AMBRA1: variants seen among roughly 807,000 people sequenced by gnomAD.
The protein encoded by AMBRA1 is autophagy and beclin 1 regulator 1, also known as activating molecule in BECN1-regulated autophagy protein 1.
Under a neutral mutation model 125.4 loss-of-function variants are expected in AMBRA1, and 47 were observed. The ratio of observed to expected loss-of-function variants is 0.37; its 90% CI spans 0.30 to 0.48. AMBRA1 has a LOEUF of 0.48. AMBRA1 is among the 20% of genes least tolerant of loss of function. The pLI is 0.99. For synonymous variants in AMBRA1, 626 were observed against 655.5 expected, an observed-to-expected ratio of 0.95 and a Z score of 0.69; for missense variants, 1,331 against 1,693.4, an observed-to-expected ratio of 0.79 and a Z score of 3.76.
chr11:46,562,666 G>A lies in AMBRA1; in HGVS notation c.-120-14166C>T, dbSNP rs116389159. ...TGTTATGTTTGCGGGTGGGGGAGCA[G>A]ATTAAAGGGATAAATCAATAGTTTA... On this transcript the variant is annotated intron_variant, in intron 1 of 17. Transcript: ENST00000683756. Among the ~76,000 whole-genome samples, 1,399 of 152,194 alleles carry A rather than the reference G, an allele frequency of 9.2e-3. 12 individuals are homozygous for A. The highest frequency in any genetic ancestry group is 0.033 in the African/African-American group (1,351 of 41,502).
At chr11:46,450,824 A>G (rs1392696179) in intron 11 of AMBRA1, among the ~76,000 whole-genome samples, 3 of 152,244 alleles carry the variant, frequency 2.0e-5, no homozygotes, top group Non-Finnish European at 4.4e-5. Context: ...TGCCAAAACC[A>G]GTGAAATTTA....
chr11:46,481,923 G>A (rs1950087686), intron 11 of AMBRA1, among the ~76,000 whole-genome samples: 1 of 152,220 alleles, frequency 6.6e-6, no homozygotes, highest in African/African-American at 2.4e-5. Flanking sequence ...GCTTGGAACA[G>A]TACTTGGTAT....
intron 7 of AMBRA1, among the ~76,000 whole-genome samples, chr11:46,521,721 G>A (rs914078266): frequency 8.5e-5 from 13 of 152,180 alleles, no homozygotes; most frequent in African/African-American, 3.1e-4. Context: ...TCTGATCGCT[G>A]CAGGGCCCCC....
rs888631451 is a variant in AMBRA1 at position 46,542,721 on chromosome 11, C to T, written c.1296G>A (p.Ala432=). 2.5e-6 allele frequency: 4 copies of T among 1,614,050 alleles called. No individual in the cohort carries two copies. The highest frequency in any genetic ancestry group is 1.1e-5 in the South Asian group (1 of 91,076). The change falls in exon 7 of 18, where the codon GCG becomes GCA. Residue 432 remains alanine (A), a synonymous_variant. Coordinates refer to ENST00000683756, the MANE Select transcript of AMBRA1 (RefSeq NM_001387011.1). The surrounding 1 kb of genome is among the most constrained non-coding windows in gnomAD (Gnocchi z 5.9). ...TGGTTCTGGGCGGGGGCATGGATTC[C>T]GCCTCAGAGCGGGAGTTCAGACTGA... is the stretch of plus-strand genomic sequence containing the variant. ...TVLSLNSRSE[A]ESMPPPRTSA...
intron 11 of AMBRA1, among the ~76,000 whole-genome samples, chr11:46,479,909 G>C (rs1949989235): frequency 1.3e-5 from 2 of 152,098 alleles, no homozygotes; most frequent in Admixed American, 6.6e-5. Flanking sequence ...AGTTCTATAG[G>C]CCTGAAGTCA....
At chr11:46,570,562 A>G (rs1304347393) in intron 1 of AMBRA1, among the ~76,000 whole-genome samples, 1 of 152,056 alleles carries the variant, frequency 6.6e-6, no homozygotes, top group Non-Finnish European at 1.5e-5. Flanking sequence ...CCCCATCTCT[A>G]AAGTCTCCTC....
At chr11:46,397,987 C>T in intron 17 of AMBRA1, 44 bp from the exon 18 acceptor site, 1 of 1,539,224 alleles carries the variant, frequency 6.5e-7, no homozygotes, top group Non-Finnish European at 8.7e-7. Context: ...GGCTGCTGGC[C>T]TGGGCCTCTG....
intron 1 of AMBRA1, among the ~76,000 whole-genome samples, chr11:46,570,874 T>G (rs1462740386): frequency 2.0e-5 from 3 of 152,068 alleles, no homozygotes; most frequent in Non-Finnish European, 4.4e-5. Context: ...GACTACACGA[T>G]GCAGCAAGCC....
At chr11:46,420,058 G>A (rs963903275) in intron 14 of AMBRA1, among the ~76,000 whole-genome samples, 1 of 122,186 alleles carries the variant, frequency 8.2e-6, no homozygotes, top group Non-Finnish European at 1.8e-5. Context: ...ATGTGCCCAG[G>A]TAGCTAAATG....
chr11:46,406,449 G>A (rs972951204), intron 17 of AMBRA1, among the ~76,000 whole-genome samples: 2 of 151,396 alleles, frequency 1.3e-5, no homozygotes, highest in African/African-American at 4.9e-5. Flanking sequence ...GGCCAAGGTG[G>A]GAGGATCACT....
rs1946141365 is a variant in AMBRA1 at position 46,408,673 on chromosome 11, G to A, written c.3243C>T (p.Asp1081=). Residue 1081 remains aspartate, a synonymous_variant, in exon 17 of 18, where the codon GAC becomes GAT. Transcript: ENST00000683756. ...GCCCAATGGCATTCATCAGCCCCATGTCTCTGTCTGTCCTCCATGTGGCTC... is the reference window on the plus strand; with the variant it reads ...GCCCAATGGCATTCATCAGCCCCATATCTCTGTCTGTCCTCCATGTGGCTC... The part of the protein sequence containing the change: ...TSRATWRTDR[D]MGLMNAIGLQ... The A allele has an allele frequency of 6.3e-7, 1 of 1,576,162 alleles. No individual in the cohort carries two copies. The highest frequency in any genetic ancestry group is 1.4e-5 in the African/African-American group (1 of 73,840).
rs563699539 is a variant in AMBRA1, at chr11:46,485,460, T to A, written c.2521+8148A>T. On this transcript the variant is annotated intron_variant, in intron 11 of 17. Transcript: ENST00000683756. ...AGGCTTACACCCCACCTCCCTTAGC[T>A]AATCTATCAAGACTGGTAGTTAAAG... Among the ~76,000 whole-genome samples the A allele has an allele frequency of 5.9e-5, 9 of 152,354 alleles. 1 individual carries two copies. Among genetic ancestry groups the A allele is most frequent in the African/African-American group, 2.2e-4 (9 of 41,578 alleles).
Position 46,542,774 on chromosome 11 carries a change from T to G in AMBRA1, c.1243A>C (p.Thr415Pro). The G allele has an allele frequency of 6.2e-7, 1 of 1,613,874 alleles. No individual in the cohort carries two copies. Among genetic ancestry groups the G allele is most frequent in the Non-Finnish European group, 8.5e-7 (1 of 1,179,968 alleles). ...ACTGTCCGGGTCCACTCAGATCCTGTCAACCCAGGAGCTATTTCTCGGTGA... is the reference window on the plus strand; with the variant it reads ...ACTGTCCGGGTCCACTCAGATCCTGGCAACCCAGGAGCTATTTCTCGGTGA... ...RYHREIAPGL[T>P]GSEWTRTVLS... The change falls in exon 7 of 18, where the codon ACA (threonine) becomes CCA (proline). Residue 415 changes from threonine (T) to proline (P), a missense_variant. Coordinates refer to ENST00000683756, the MANE Select transcript of AMBRA1 (RefSeq NM_001387011.1). The surrounding 1 kb of genome is among the most constrained non-coding windows in gnomAD (Gnocchi z 5.9).
chr11:46,525,144 T>C (rs1250656930), intron 7 of AMBRA1, among the ~76,000 whole-genome samples: 1 of 151,470 alleles, frequency 6.6e-6, no homozygotes, highest in Non-Finnish European at 1.5e-5. Flanking sequence ...CTACAAGAAA[T>C]TTAAAAATTA....
chr11:46,507,267 CAGG>C (rs1015773261), intron 9 of AMBRA1, among the ~76,000 whole-genome samples: 6 of 150,450 alleles, frequency 4.0e-5, no homozygotes, highest in Admixed American at 3.3e-4. Flanking sequence ...ATCACGAGGT[CAGG>C]AGATCAAGAC....
intron 12 of AMBRA1, among the ~76,000 whole-genome samples, chr11:46,439,285 A>G (rs953381919): frequency 6.6e-6 from 1 of 152,220 alleles, no homozygotes; most frequent in African/African-American, 2.4e-5. Flanking sequence ...AAAAATAATA[A>G]TAAGTAAAAT....
At chr11:46,568,993 G>C (rs910416375) in intron 1 of AMBRA1, among the ~76,000 whole-genome samples, 4 of 151,422 alleles carry the variant, frequency 2.6e-5, no homozygotes, top group African/African-American at 9.7e-5. Context: ...TTTTAGTAGA[G>C]ACAGGGTTTT....
intron 9 of AMBRA1, among the ~76,000 whole-genome samples, chr11:46,499,750 G>A (rs1197406875): frequency 1.3e-5 from 2 of 152,032 alleles, no homozygotes; most frequent in Non-Finnish European, 2.9e-5. Flanking sequence ...TCCGCCTCCT[G>A]TGTTCAAGCA....
chr11:46,512,891 G>A, intron 7 of AMBRA1, 78 bp from the exon 8 acceptor site: 4 of 1,341,444 alleles, frequency 3.0e-6, no homozygotes, highest in South Asian at 1.3e-5. Context: ...AAATGAGGGA[G>A]AGATATATAA....
Sources: allele counts gnomAD v4.1 joint callset (sites outside exome capture counted in the v4.1 genomes callset), GRCh38; gene constraint gnomAD v4.1.1; non-coding constraint Gnocchi (gnomAD v3.1); transcripts MANE v1.5; gene names NCBI Gene and HGNC (gene_info 2026-07-23, HGNC 2026-07-21).